NAA35: variants seen among roughly 807,000 people sequenced by gnomAD.
The protein encoded by NAA35 is MAK10 homolog, amino-acid N-acetyltransferase subunit.
Under a neutral mutation model 101.7 loss-of-function variants are expected in NAA35, and 18 were observed. That is an observed-to-expected ratio of 0.18 (90% confidence interval 0.12 to 0.26). The LOEUF is 0.26. NAA35 is among the 10% of genes least tolerant of loss of function. NAA35 has a pLI of 1.00. For missense variants in NAA35, 601 were observed against 886.8 expected (o/e 0.68, Z 4.09); for synonymous variants, 267 against 273.1 (o/e 0.98, Z 0.22).
chr9:86,015,677 G>A (rs371512166), intron 17 of NAA35: 1 of 873,240 alleles, frequency 1.1e-6, no homozygotes. Flanking sequence ...AGACATAAAT[G>A]TATATTAATT....
intron 17 of NAA35, among the ~76,000 whole-genome samples, chr9:86,014,794 C>T (rs1832120956): frequency 6.6e-6 from 1 of 152,174 alleles, no homozygotes; most frequent in African/African-American, 2.4e-5. Context: ...TCAACTATAG[C>T]AGTATGAGAA....
At chr9:86,009,977 A>C (rs1396152316) in intron 15 of NAA35, 46 bp downstream of exon 15, 1 of 1,516,054 alleles carries the variant, frequency 6.6e-7, no homozygotes, top group Admixed American at 1.7e-5. Flanking sequence ...TTTAAAAATC[A>C]TGGGCTGTGG....
intron 6 of NAA35, among the ~76,000 whole-genome samples, chr9:85,964,157 A>C (rs959720365): frequency 1.8e-5 from 2 of 110,630 alleles, no homozygotes; most frequent in Non-Finnish European, 3.9e-5. Flanking sequence ...AGAACTTCTT[A>C]TTGGGGAATA....
In NAA35 at chr9:85,978,267, A is replaced by G; in HGVS notation, c.763A>G (p.Thr255Ala). ...ATGTTTTTGGTGATTTATTTGCTAG[A>G]CCAGTGCTGTTGCAGAAGCTCAAAA... ...TVLIAFTKKETSAVAEAQKLM... is the reference protein window; with the variant it reads ...TVLIAFTKKEASAVAEAQKLM... Residue 255 changes from threonine (T) to alanine (A), a missense_variant and splice_region_variant, in exon 11 of 23, where the codon ACC becomes GCC. Physicochemically the swap from Thr to Ala is moderately conservative, Grantham distance 58 (BLOSUM62 0). Coordinates refer to ENST00000361671, the MANE Select transcript of NAA35 (RefSeq NM_024635.4). 6.3e-7 allele frequency: 1 copy of G among 1,588,338 alleles called. No individual in the cohort carries two copies. Among genetic ancestry groups the G allele is most frequent in the South Asian group, 1.1e-5 (1 of 90,506 alleles).
intron 13 of NAA35, among the ~76,000 whole-genome samples, chr9:86,004,121 G>T (rs1469109042): frequency 2.6e-5 from 4 of 151,998 alleles, no homozygotes; most frequent in Non-Finnish European, 5.9e-5. Flanking sequence ...TTTTGTTTTT[G>T]TTTTGAGATA....
At chr9:85,955,349 TATATATATATA>T (rs1224529670) in intron 2 of NAA35, among the ~76,000 whole-genome samples, 11 of 82,336 alleles carry the variant, frequency 1.3e-4, no homozygotes, top group African/African-American at 2.3e-4. Context: ...TATATATATA[TATATATATATA>T]TTTTTTTTTT....
At chr9:85,973,388 C>T (rs1398635802) in intron 6 of NAA35, among the ~76,000 whole-genome samples, 3 of 152,066 alleles carry the variant, frequency 2.0e-5, no homozygotes, top group African/African-American at 7.3e-5. Context: ...ATAGCAGGGA[C>T]TAGTGTGGTA....
At chr9:86,015,934 G>A (rs995958988) in intron 17 of NAA35, among the ~76,000 whole-genome samples, 12 of 151,798 alleles carry the variant, frequency 7.9e-5, no homozygotes, top group African/African-American at 2.7e-4. Context: ...TATAGTAAAT[G>A]TTTTTCTTAA....
chr9:85,984,278 A>G (rs1357990128), intron 11 of NAA35, among the ~76,000 whole-genome samples: 7 of 152,292 alleles, frequency 4.6e-5, no homozygotes, highest in Admixed American at 4.6e-4. Flanking sequence ...ACAGTGAGCT[A>G]TGATTGTACC....
chr9:85,950,949 CA>C (rs964718301), intron 2 of NAA35, among the ~76,000 whole-genome samples: 4 of 152,026 alleles, frequency 2.6e-5, no homozygotes, highest in African/African-American at 9.7e-5. Context: ...CCAGTCTGGC[CA>C]ACATGGTGAA....
chr9:86,021,835 T>A, intron 22 of NAA35, 66 bp from the exon 23 acceptor site: 1 of 1,255,328 alleles, frequency 8.0e-7, no homozygotes, highest in Middle Eastern at 2.0e-4. Flanking sequence ...ATAAAAATAG[T>A]CTTTGTTTTG....
chr9:86,018,206 C>T, intron 19 of NAA35, 49 bp from the exon 20 acceptor site: 1 of 1,560,396 alleles, frequency 6.4e-7, no homozygotes. Flanking sequence ...TGAGTGTTCA[C>T]TTTTTTCATA....
intron 6 of NAA35, among the ~76,000 whole-genome samples, chr9:85,973,568 C>A (rs1830083788): frequency 6.6e-6 from 1 of 152,016 alleles, no homozygotes; most frequent in Admixed American, 6.6e-5. Flanking sequence ...GAGTAGAGGC[C>A]AGGTTTTCAG....
At chr9:85,949,512 C>G (rs1828919969) in intron 2 of NAA35, among the ~76,000 whole-genome samples, 1 of 152,024 alleles carries the variant, frequency 6.6e-6, no homozygotes, top group Non-Finnish European at 1.5e-5. Flanking sequence ...CTAGGCTGGT[C>G]TCGAACTCCT....
chr9:85,997,978 G>A (rs1203588389), intron 12 of NAA35, among the ~76,000 whole-genome samples: 1 of 152,064 alleles, frequency 6.6e-6, no homozygotes, highest in Non-Finnish European at 1.5e-5. Context: ...GCAGTGGTGT[G>A]ATCTTGGCTC....
At chr9:85,976,037 A>G (rs1830195100) in intron 8 of NAA35, among the ~76,000 whole-genome samples, 1 of 152,130 alleles carries the variant, frequency 6.6e-6, no homozygotes, top group African/African-American at 2.4e-5. Flanking sequence ...TTTACAATTC[A>G]GTGAATTGAG....
At chr9:85,994,608 A>G (rs1460689408) in intron 11 of NAA35, among the ~76,000 whole-genome samples, 1 of 152,212 alleles carries the variant, frequency 6.6e-6, no homozygotes, top group African/African-American at 2.4e-5. Context: ...AAATATGTTG[A>G]ATAAATAATA....
intron 2 of NAA35, among the ~76,000 whole-genome samples, chr9:85,942,546 G>T (rs1354057095): frequency 6.7e-6 from 1 of 150,032 alleles, no homozygotes; most frequent in Admixed American, 6.6e-5. Context: ...ATTTCTAACT[G>T]TGGAAAACAC....
chr9:85,956,491 C>T (rs921872717), intron 3 of NAA35, 98 bp downstream of exon 3: 33 of 625,448 alleles, frequency 5.3e-5, no homozygotes, highest in East Asian at 2.1e-4. Context: ...AGTAAATTTA[C>T]GTTTCAAAAT....
Sources: allele counts gnomAD v4.1 joint callset (sites outside exome capture counted in the v4.1 genomes callset), GRCh38; gene constraint gnomAD v4.1.1; transcripts MANE v1.5; gene names NCBI Gene and HGNC (gene_info 2026-07-23, HGNC 2026-07-21).